Variants in FILIP1L observed in about 807,000 individuals in gnomAD.
FILIP1L encodes filamin A interacting protein 1 like.
In FILIP1L, 55 loss-of-function variants were observed where a neutral mutation model predicts 96.6. That is an observed-to-expected ratio of 0.57 (90% CI 0.46 to 0.71). The LOEUF (loss-of-function observed/expected upper bound fraction) is 0.71. Ranked by LOEUF, FILIP1L falls within the 30% of genes least tolerant of loss-of-function variation. FILIP1L has a pLI of 0.00. For missense variants in FILIP1L, 1,304 were observed against 1,321.2 expected, an observed-to-expected ratio of 0.99 and a Z score of 0.20; for synonymous variants, 467 against 473.9, an observed-to-expected ratio of 0.99 and a Z score of 0.19.
intron 1 of FILIP1L, among the ~76,000 whole-genome samples, chr3:99,976,104 C>T (rs1178662758): frequency 1.3e-5 from 2 of 152,066 alleles, no homozygotes; most frequent in African/African-American, 4.8e-5. Context: ...AGGCTGGTCT[C>T]GAACTTTTGA....
chr3:100,076,520 G>T (rs531068833), intron 1 of FILIP1L, among the ~76,000 whole-genome samples: 77 of 152,120 alleles, frequency 5.1e-4, no homozygotes, highest in Non-Finnish European at 1.0e-3. Flanking sequence ...CTAATCTGTG[G>T]GTTACAGTAT....
At chr3:99,881,317 G>A (rs987758731) in intron 4 of FILIP1L, among the ~76,000 whole-genome samples, 2 of 152,188 alleles carry the variant, frequency 1.3e-5, no homozygotes, top group African/African-American at 2.4e-5. Flanking sequence ...CAAACATTTT[G>A]TGTTTCCTTG....
At chr3:100,046,773 C>G (rs995688942) in intron 1 of FILIP1L, among the ~76,000 whole-genome samples, 5 of 152,100 alleles carry the variant, frequency 3.3e-5, no homozygotes, top group African/African-American at 1.2e-4. Context: ...CTGATAAGGC[C>G]AGGTCTGATT....
chr3:99,836,880 G>A (rs754817172), intron 5 of FILIP1L, among the ~76,000 whole-genome samples: 11 of 152,178 alleles, frequency 7.2e-5, no homozygotes, highest in Non-Finnish European at 1.2e-4. Context: ...ACTTGTACTC[G>A]CAGAAAGGTT....
intron 1 of FILIP1L, among the ~76,000 whole-genome samples, chr3:100,037,933 G>A (rs1014437190): frequency 1.5e-5 from 2 of 130,336 alleles, no homozygotes; most frequent in Admixed American, 7.9e-5. Context: ...CTTTTTAATC[G>A]CTTTTCTTTT....
intron 1 of FILIP1L, among the ~76,000 whole-genome samples, chr3:100,018,748 A>T (rs1270953956): frequency 1.3e-5 from 2 of 152,142 alleles, no homozygotes; most frequent in African/African-American, 4.8e-5. Flanking sequence ...AAAAAAAAAA[A>T]AAAATCAACA....
chr3:100,008,426 CAT>C (rs1553705053), intron 1 of FILIP1L, among the ~76,000 whole-genome samples: 1 of 152,136 alleles, frequency 6.6e-6, no homozygotes, highest in Non-Finnish European at 1.5e-5. Flanking sequence ...GGGTACCCTT[CAT>C]ATAAGTGTTA....
At chr3:100,040,442 G>T (rs371552946) in intron 1 of FILIP1L, 22 of 152,152 alleles carry the variant, frequency 1.4e-4, no homozygotes, top group African/African-American at 5.3e-4. Flanking sequence ...AGATGTGACC[G>T]TGGTTTTAGA....
At position 99,929,855 on chromosome 3, in the gene FILIP1L, C is replaced by A. The variant is rs553275913; in HGVS notation, c.426+1G>T. ...GTACACACCCCTATTGTGGTACATA[C>A]CTCATTCATTGGTTTCTCATAGATG... On this transcript the variant is annotated splice_donor_variant, in intron 3 of 5. Coordinates refer to ENST00000477258, the MANE Select transcript of FILIP1L (RefSeq NM_001387850.1). LOFTEE classifies it high-confidence loss of function. 1.2e-6 allele frequency: 2 copies of A among 1,610,054 alleles called. No individual in the cohort carries two copies. The highest frequency in any genetic ancestry group is 2.2e-5 in the East Asian group (1 of 44,824).
intron 1 of FILIP1L, among the ~76,000 whole-genome samples, chr3:100,027,014 C>A (rs2064936076): frequency 6.6e-6 from 1 of 152,240 alleles, no homozygotes; most frequent in East Asian, 1.9e-4. Flanking sequence ...TGACCTTTGT[C>A]CTTGCTGTTC....
chr3:100,113,266 T>C (rs1029710930), intron 1 of FILIP1L, among the ~76,000 whole-genome samples: 1 of 152,240 alleles, frequency 6.6e-6, no homozygotes, highest in Non-Finnish European at 1.5e-5. Flanking sequence ...ACCCTAAACA[T>C]TGAATAATCC....
intron 4 of FILIP1L, among the ~76,000 whole-genome samples, chr3:99,866,038 C>G (rs1944496273): frequency 1.3e-5 from 2 of 152,060 alleles, no homozygotes; most frequent in Non-Finnish European, 2.9e-5. Flanking sequence ...ATGATTCCTT[C>G]TCTTAACCTC....
chr3:99,957,689 C>CTTTTTTTTT (rs1708363173), intron 1 of FILIP1L, among the ~76,000 whole-genome samples: 2 of 7,960 alleles, frequency 2.5e-4, no homozygotes, highest in African/African-American at 5.6e-4. Context: ...TCTTTTCTTT[C>CTTTTTTTTT]TTTCTTTTTT....
intron 1 of FILIP1L, among the ~76,000 whole-genome samples, chr3:100,042,573 A>G (rs1023923910): frequency 2.0e-5 from 3 of 152,230 alleles, no homozygotes; most frequent in Non-Finnish European, 2.9e-5. Context: ...TTGGTAATCC[A>G]TGTATGGTTC....
chr3:100,047,117 T>G (rs1038910729), intron 1 of FILIP1L, among the ~76,000 whole-genome samples: 1 of 152,190 alleles, frequency 6.6e-6, no homozygotes, highest in Non-Finnish European at 1.5e-5. Context: ...TAACCTAAAT[T>G]TCCTTGTTGG....
intron 1 of FILIP1L, among the ~76,000 whole-genome samples, chr3:100,072,117 C>CGTTA: frequency 6.6e-6 from 1 of 152,252 alleles, no homozygotes; most frequent in African/African-American, 2.4e-5. Context: ...CCCACTTGAG[C>CGTTA]GTTACATGGA....
At chr3:100,057,262 A>C (rs887928181) in intron 1 of FILIP1L, among the ~76,000 whole-genome samples, 8 of 152,186 alleles carry the variant, frequency 5.3e-5, no homozygotes, top group African/African-American at 1.9e-4. Flanking sequence ...CCAAGAGTCT[A>C]ATCTTTCTGC....
At chr3:99,998,434 C>T (rs895495196) in intron 1 of FILIP1L, among the ~76,000 whole-genome samples, 4 of 152,178 alleles carry the variant, frequency 2.6e-5, no homozygotes, top group Admixed American at 1.3e-4. Context: ...ACTATATATA[C>T]GTACTCAAAG....
chr3:100,074,890 C>T (rs973096764), intron 1 of FILIP1L, among the ~76,000 whole-genome samples: 11 of 151,592 alleles, frequency 7.3e-5, no homozygotes, highest in Admixed American at 2.0e-4. Context: ...GACAGGGTTT[C>T]GCCGTGTTGG....
Sources: gnomAD v4.1 joint callset for allele counts (sites outside exome capture counted in the v4.1 genomes callset) on GRCh38, gnomAD v4.1.1 for gene constraint, MANE v1.5 for transcripts, NCBI Gene and HGNC (gene_info 2026-07-23, HGNC 2026-07-21) for gene names.